The following NID2 variants were observed in gnomAD, a reference collection of about 807,000 sequenced individuals.
NID2 encodes the protein nidogen-2.
In NID2, 83 loss-of-function variants were observed where a neutral mutation model predicts 145.4. The ratio of observed to expected loss-of-function variants is 0.57; its 90% confidence interval spans 0.48 to 0.69. NID2 has a LOEUF of 0.69. Ranked by LOEUF, NID2 falls within the 30% of genes least tolerant of loss-of-function variation. The pLI, the probability that NID2 is intolerant of heterozygous loss-of-function variation, is 0.00. For missense variants in NID2, 1,807 were observed against 1,765.7 expected (o/e 1.02, Z -0.42); for synonymous variants, 739 against 701.3 (o/e 1.05, Z -0.85).
At chr14:52,049,849 T>G (rs2749885) in intron 5 of NID2, among the ~76,000 whole-genome samples, 85,383 of 152,074 alleles carry the variant, frequency 0.56, 24,377 homozygotes, top group South Asian at 0.62. Flanking sequence ...GGCCCTACCA[T>G]GGAATCTCCT....
intron 5 of NID2, among the ~76,000 whole-genome samples, chr14:52,049,883 C>G (rs2749886): frequency 0.51 from 78,151 of 151,912 alleles, 20,469 homozygotes; most frequent in South Asian, 0.6. Context: ...TCACAGGCAT[C>G]GGGGGGCGGC....
chr14:52,059,794 A>G (rs548491566), intron 3 of NID2, among the ~76,000 whole-genome samples: 1 of 152,264 alleles, frequency 6.6e-6, no homozygotes, highest in South Asian at 2.1e-4. Flanking sequence ...AATCTGGAAA[A>G]CCTCAAACTG....
At chr14:52,037,570 TTC>T (rs1212193229) in intron 9 of NID2, among the ~76,000 whole-genome samples, 1 of 152,228 alleles carries the variant, frequency 6.6e-6, no homozygotes, top group Non-Finnish European at 1.5e-5. Context: ...TACTCTAGAT[TTC>T]GAGTTTGAGA....
chr14:52,056,813 G>T (rs1470936308), intron 3 of NID2, among the ~76,000 whole-genome samples: 1 of 152,048 alleles, frequency 6.6e-6, no homozygotes, highest in African/African-American at 2.4e-5. Flanking sequence ...TAAATAAAAT[G>T]CCTATCACTG....
chr14:52,053,427 CT>C, intron 5 of NID2, 151 bp downstream of exon 5: 1 of 834,696 alleles, frequency 1.2e-6, no homozygotes, highest in Non-Finnish European at 1.9e-6. Context: ...AGGAAATTTA[CT>C]CTATCTCTTG....
At chr14:52,007,477 G>A in intron 19 of NID2, 1 of 292,486 alleles carries the variant, frequency 3.4e-6, no homozygotes, top group East Asian at 1.1e-4. Flanking sequence ...TTATAGGTAA[G>A]TTATAGTGAC....
intron 5 of NID2, among the ~76,000 whole-genome samples, chr14:52,043,706 A>G (rs1892370192): frequency 6.6e-6 from 1 of 152,182 alleles, no homozygotes; most frequent in South Asian, 2.1e-4. Flanking sequence ...CATTAAAAGA[A>G]GAGGGCCATC....
intron 17 of NID2, 70 bp from the exon 18 acceptor site, chr14:52,011,117 G>C (rs1151579): frequency 6.6e-7 from 1 of 1,510,930 alleles, no homozygotes; most frequent in Non-Finnish European, 9.1e-7. Flanking sequence ...GCCCTCCAAC[G>C]GTCGGGTGGG....
At chr14:52,043,131 G>A (rs376212910) in intron 5 of NID2, among the ~76,000 whole-genome samples, 200 bp from the exon 6 acceptor site, 7 of 152,120 alleles carry the variant, frequency 4.6e-5, no homozygotes, top group Non-Finnish European at 8.8e-5. Context: ...TACTGCTCCC[G>A]GCTGGGTCCC....
intron 15 of NID2, among the ~76,000 whole-genome samples, 166 bp from the exon 16 acceptor site, chr14:52,014,622 T>G (rs760276981): frequency 2.6e-5 from 4 of 151,364 alleles, no homozygotes; most frequent in Admixed American, 6.6e-5. Flanking sequence ...ATTTCTAGGG[T>G]TTTTTTAAGG....
chr14:52,025,443 C>T (rs1160146299), intron 12 of NID2, among the ~76,000 whole-genome samples: 1 of 152,080 alleles, frequency 6.6e-6, no homozygotes, highest in Non-Finnish European at 1.5e-5. Context: ...GGGCCTAATA[C>T]CAAGACACAC....
At position 52,053,818 on chromosome 14, in the gene NID2, G is replaced by C; in HGVS notation, c.1190C>G (p.Pro397Arg). Residue 397 changes from proline (P) to arginine (R), a missense_variant, in exon 5 of 22, where the codon CCA becomes CGA. Transcript: ENST00000216286. The part of the protein sequence containing the change: ...DERETRSPAP[P>R]EVDRDSLAPS... ...AGCCAGTGAATCTCTGTCTACCTCT[G>C]GTGGAGCTGGGCTTCTGGTCTCTCT... 6.2e-7 allele frequency: 1 copy of C among 1,614,164 alleles called. No homozygotes were observed. The highest frequency in any genetic ancestry group is 8.5e-7 in the Non-Finnish European group (1 of 1,180,006).
At chr14:52,032,649 G>A (rs374680099) in intron 9 of NID2, among the ~76,000 whole-genome samples, 1 of 152,122 alleles carries the variant, frequency 6.6e-6, no homozygotes. Flanking sequence ...ACCAAAGCAG[G>A]AAGTAATTGT....
chr14:52,026,973 G>C (rs1455671200), intron 12 of NID2, among the ~76,000 whole-genome samples: 1 of 152,322 alleles, frequency 6.6e-6, no homozygotes, highest in South Asian at 2.1e-4. Context: ...AGTGCTACAG[G>C]AACGTCTCCG....
In NID2 at chr14:52,038,782, C is replaced by T. The variant is rs763626092; in HGVS notation, c.2222G>A (p.Arg741Lys). Reference sequence around the variant, plus strand: ...GCCAATTTGATTGGTCACAGCAAATCTAAGCACTCTTTCTTCGTCATTATA... The same window carrying T: ...GCCAATTTGATTGGTCACAGCAAATTTAAGCACTCTTTCTTCGTCATTATA... The part of the protein sequence containing the change: ...ALYNDEERVL[R>K]FAVTNQIGPV... Residue 741 changes from arginine (R) to lysine (K), a missense_variant, in exon 9 of 22, where the codon AGA becomes AAA. Physicochemically the swap from Arg to Lys is conservative, Grantham distance 26. Transcript: ENST00000216286. 6 of 1,605,606 alleles carry T rather than the reference C, an allele frequency of 3.7e-6. No homozygotes were observed. In the African/African-American group the frequency reaches 6.7e-5, roughly 18 times the overall value.
chr14:52,044,674 G>A (rs2140407446), intron 5 of NID2, among the ~76,000 whole-genome samples: 1 of 152,204 alleles, frequency 6.6e-6, no homozygotes, highest in South Asian at 2.1e-4. Context: ...GAGCAGTGGT[G>A]CCATCTCGGC....
At chr14:52,031,207 C>CG (rs35561205) in intron 9 of NID2, among the ~76,000 whole-genome samples, 10,374 of 152,238 alleles carry the variant, frequency 0.068, 390 homozygotes, top group Middle Eastern at 0.13. Context: ...ATGAATCTAT[C>CG]AACTCTGGCA....
chr14:52,059,249 T>C (rs1048689481), intron 3 of NID2, among the ~76,000 whole-genome samples: 4 of 152,326 alleles, frequency 2.6e-5, no homozygotes, highest in Middle Eastern at 6.8e-3. Flanking sequence ...TAAGCAAACC[T>C]GGCTATAGTG....
intron 5 of NID2, among the ~76,000 whole-genome samples, chr14:52,047,398 A>G (rs1892539133): frequency 6.6e-6 from 1 of 151,750 alleles, no homozygotes; most frequent in African/African-American, 2.4e-5. Context: ...GTCAGGCAGG[A>G]GGGGTGTGTG....
Sources: gnomAD v4.1 joint callset for allele counts (sites outside exome capture counted in the v4.1 genomes callset) on GRCh38, gnomAD v4.1.1 for gene constraint, MANE v1.5 for transcripts, NCBI Gene and HGNC (gene_info 2026-07-23, HGNC 2026-07-21) for gene names.